The following PDCL3 variants were observed in gnomAD, a reference collection of about 807,000 sequenced individuals.
PDCL3 encodes the protein phosducin like 3, also known as phosducin-like protein 3.
PDCL3 carries 22 observed loss-of-function variants against 26.5 expected under a neutral mutation model. That is an observed-to-expected ratio of 0.83 (90% confidence interval 0.59 to 1.19). The LOEUF (loss-of-function observed/expected upper bound fraction) is 1.19. PDCL3 is among the 50% of genes most tolerant of loss of function. PDCL3 has a pLI of 0.00. For missense variants in PDCL3, 246 were observed against 294.1 expected, an observed-to-expected ratio of 0.84 and a Z score of 1.20; for synonymous variants, 81 against 104.9, an observed-to-expected ratio of 0.77 and a Z score of 1.39.
chr2:100,563,162 G>C, intron 1 of PDCL3, 89 bp downstream of exon 1: 1 of 1,484,400 alleles, frequency 6.7e-7, no homozygotes, highest in Non-Finnish European at 9.0e-7. Context: ...CCGCCCTGGG[G>C]GAAGCTCCGG....
intron 5 of PDCL3, among the ~76,000 whole-genome samples, chr2:100,575,329 G>C (rs1258006475): frequency 2.0e-5 from 3 of 152,092 alleles, no homozygotes; most frequent in Non-Finnish European, 4.4e-5. Flanking sequence ...TAGAGACGGG[G>C]TTTCACCGTG....
rs59012685 is a variant in PDCL3 at position 100,571,114 on chromosome 2, C to CAAA, written c.369-460_369-458dup. ...GCAACGTGGTGAAACCCTGTCTTTACAAAAAAAAAAAAAAAAAATCAGCTG... is the reference window on the plus strand; with the variant it reads ...GCAACGTGGTGAAACCCTGTCTTTACAAAAAAAAAAAAAAAAAAAAATCAGCTG... On this transcript the variant is annotated intron_variant, in intron 4 of 5. Transcript: ENST00000264254. Among the ~76,000 whole-genome samples, 108 of 109,048 alleles carry CAAA rather than the reference C, an allele frequency of 9.9e-4. 1 individual carries two copies. Among genetic ancestry groups the CAAA allele is most frequent in the South Asian group, 1.8e-3 (6 of 3,324 alleles). 71.5% of individuals were successfully genotyped at this position (109,048 alleles called of 152,430 possible). A position where few individuals can be genotyped will look rare whatever the true frequency, so the allele number is the denominator to read the frequency against.
intron 1 of PDCL3, among the ~76,000 whole-genome samples, chr2:100,564,398 G>A (rs1003451348): frequency 3.3e-5 from 5 of 151,978 alleles, no homozygotes; most frequent in Admixed American, 6.6e-5. Flanking sequence ...TCCAGTTCAC[G>A]CCATTCTCCT....
intron 5 of PDCL3, among the ~76,000 whole-genome samples, chr2:100,574,270 A>T (rs551676612): frequency 1.3e-4 from 20 of 152,110 alleles, no homozygotes; most frequent in African/African-American, 4.8e-4. Flanking sequence ...CAGCCTCCCA[A>T]AGTTCTGGGA....
rs754896263 is a variant in PDCL3, at chr2:100,569,627, G to A, written c.274G>A (p.Gly92Arg). Residue 92 changes from glycine to arginine, a missense_variant, in exon 4 of 6, where the codon GGA becomes AGA. Physicochemically the swap from Gly to Arg is moderately radical, Grantham distance 125 (BLOSUM62 -2). Transcript: ENST00000264254. ...WKATKLKNKF[G>R]EVLEISGKDY... ...AGCAACTAAACTGAAGAATAAATTC[G>A]GAGAAGTTTTGGAGATCTCAGGGAA... 61 of 1,613,816 alleles carry A rather than the reference G, an allele frequency of 3.8e-5. No individual in the cohort carries two copies. The highest frequency in any genetic ancestry group is 1.5e-4 in the Admixed American group (9 of 59,966).
intron 2 of PDCL3, among the ~76,000 whole-genome samples, chr2:100,567,508 A>G (rs1483498731): frequency 2.0e-5 from 3 of 152,180 alleles, no homozygotes; most frequent in Non-Finnish European, 4.4e-5. Context: ...TGACATTTGC[A>G]TGGACCTGAA....
intron 5 of PDCL3, among the ~76,000 whole-genome samples, chr2:100,575,120 CTT>C (rs751987977): frequency 1.3e-5 from 2 of 152,110 alleles, no homozygotes; most frequent in Non-Finnish European, 2.9e-5. Flanking sequence ...TAAGATAAGA[CTT>C]CAGTAAAATT....
chr2:100,574,070 C>T (rs1483812546), intron 5 of PDCL3, among the ~76,000 whole-genome samples: 2 of 152,072 alleles, frequency 1.3e-5, no homozygotes. Flanking sequence ...GTAGCACTAT[C>T]TTGGCTCACT....
In PDCL3 at chr2:100,563,201, G is replaced by T. The variant is rs1022126678; in HGVS notation, c.6+128G>T. 1.1e-5 allele frequency: 13 copies of T among 1,214,390 alleles called. No homozygotes were observed. In the Admixed American group the frequency reaches 3.3e-4, roughly 31 times the overall value. 75.2% of individuals were successfully genotyped at this position (1,214,390 alleles called of 1,614,324 possible). On this transcript the variant is annotated intron_variant, in intron 1 of 5. Transcript: ENST00000264254. The stretch of plus-strand genomic sequence containing the variant: ...CGCAGGCACGAGGGAGGCCCGGCGC[G>T]TCCAGGCCCTGCGCAGGCGCAGTGC...
At position 100,562,997 on chromosome 2, in the gene PDCL3, G is replaced by C. The variant is rs1244645476; in HGVS notation, c.-71G>C. 10 of 1,563,692 alleles carry C rather than the reference G, an allele frequency of 6.4e-6. No individual in the cohort carries two copies. The highest frequency in any genetic ancestry group is 8.7e-6 in the Non-Finnish European group (10 of 1,154,214). On this transcript the variant is annotated 5_prime_UTR_variant, in exon 1 of 6. Transcript: ENST00000264254. ...GAAGAGGCGTGGCGGCGCTGTGCGC[G>C]TGCACAAAAGAGAGCTGAGGGGCGG... is the stretch of plus-strand genomic sequence containing the variant.
chr2:100,569,087 TGGCG>T, intron 3 of PDCL3, 66 bp downstream of exon 3: 18 of 1,413,774 alleles, frequency 1.3e-5, no homozygotes, highest in Non-Finnish European at 1.7e-5. Flanking sequence ...GTTTTTTTTT[TGGCG>T]TGGCAATAAA....
chr2:100,575,417 G>A (rs558865854), intron 5 of PDCL3, among the ~76,000 whole-genome samples: 8 of 152,062 alleles, frequency 5.3e-5, no homozygotes, highest in African/African-American at 1.7e-4. Context: ...TTACAGGCAT[G>A]TGCCACCGCG....
intron 5 of PDCL3, among the ~76,000 whole-genome samples, chr2:100,573,500 C>G (rs757914819): frequency 4.0e-5 from 6 of 151,582 alleles, no homozygotes; most frequent in African/African-American, 7.3e-5. Flanking sequence ...ATAGTGAAAC[C>G]CTGTCTCTAC....
intron 2 of PDCL3, among the ~76,000 whole-genome samples, 181 bp from the exon 3 acceptor site, chr2:100,568,750 C>T (rs1458056606): frequency 6.6e-6 from 1 of 151,968 alleles, no homozygotes. Flanking sequence ...CAGGTGTGAG[C>T]CACCATGCCT....
Position 100,576,502 on chromosome 2 carries a change from C to A in PDCL3, c.*6C>A. The A allele has an allele frequency of 6.4e-7, 1 of 1,568,444 alleles. No homozygotes were observed. Among genetic ancestry groups the A allele is most frequent in the Non-Finnish European group, 8.6e-7 (1 of 1,156,394 alleles). ...GCGATTCCGAGGGTGACTGAGGCTA[C>A]AGCTTCTATCACATGCCGAACTTTC... On this transcript the variant is annotated 3_prime_UTR_variant, in exon 6 of 6. Coordinates refer to ENST00000264254, the MANE Select transcript of PDCL3 (RefSeq NM_024065.5).
chr2:100,574,263 C>A (rs1244468434), intron 5 of PDCL3, among the ~76,000 whole-genome samples: 9 of 152,106 alleles, frequency 5.9e-5, no homozygotes, highest in Non-Finnish European at 8.8e-5. Context: ...CCTGCCTCAG[C>A]CTCCCAAAGT....
In PDCL3 at chr2:100,571,729, C is replaced by T. The variant is rs1324371987; in HGVS notation, c.508C>T (p.Leu170=). ...DRNLPTIFVY[L]EGDIKAQFIG... ...GAATCTGCCCACGATATTTGTTTAC[C>T]TGGAAGGAGATATCAAGGCTCAGTT... Residue 170 remains leucine, a synonymous_variant, in exon 5 of 6, where the codon CTG becomes TTG. Coordinates refer to ENST00000264254, the MANE Select transcript of PDCL3 (RefSeq NM_024065.5). 5 of 1,613,858 alleles carry T rather than the reference C, an allele frequency of 3.1e-6. No homozygotes were observed. The highest frequency in any genetic ancestry group is 4.2e-6 in the Non-Finnish European group (5 of 1,180,034).
chr2:100,566,381 T>G, intron 1 of PDCL3, 122 bp from the exon 2 acceptor site: 1 of 1,258,182 alleles, frequency 7.9e-7, no homozygotes, highest in Non-Finnish European at 1.1e-6. Context: ...TTCTCAGAAA[T>G]AGTTCACAGA....
At position 100,576,351 on chromosome 2, in the gene PDCL3, T is replaced by C. The variant is rs371728206; in HGVS notation, c.578-3T>C. On this transcript the variant is annotated splice_region_variant and splice_polypyrimidine_tract_variant and intron_variant, in intron 5 of 5. Coordinates refer to ENST00000264254, the MANE Select transcript of PDCL3 (RefSeq NM_024065.5). ...GGCAATTTGCTTTTTCTTTACCATA[T>C]AGAGTTGGAATGGAAACTGTCTGAA... 1.9e-6 allele frequency: 3 copies of C among 1,602,938 alleles called. No homozygotes were observed. The highest frequency in any genetic ancestry group is 1.3e-5 in the African/African-American group (1 of 74,920).
Sources: allele counts gnomAD v4.1 joint callset (sites outside exome capture counted in the v4.1 genomes callset), GRCh38; gene constraint gnomAD v4.1.1; transcripts MANE v1.5; gene names NCBI Gene and HGNC (gene_info 2026-07-23, HGNC 2026-07-21).